TRIO: variants seen among roughly 807,000 people sequenced by gnomAD.
TRIO encodes trio Rho guanine nucleotide exchange factor, also known as triple functional domain protein.
A neutral mutation model predicts 351.9 loss-of-function variants in TRIO; 58 were observed. The ratio of observed to expected loss-of-function variants is 0.16; its 90% CI spans 0.13 to 0.21. TRIO has a LOEUF of 0.21. TRIO is among the 10% of genes least tolerant of loss of function. TRIO has a pLI of 1.00. For missense variants in TRIO, 3,201 were observed against 4,027.8 expected (o/e 0.79, Z 5.56); for synonymous variants, 1,758 against 1,595.7 (o/e 1.10, Z -2.42).
intron 6 of TRIO, 38 bp from the exon 7 acceptor site, chr5:14,297,034 C>G (rs937802544): frequency 1.9e-6 from 3 of 1,562,088 alleles, no homozygotes; most frequent in Middle Eastern, 1.7e-4. Context: ...CCTATTTGCT[C>G]TCCCCTAAGG....
chr5:14,161,756 T>TCA (rs1788472427), intron 1 of TRIO, among the ~76,000 whole-genome samples: 1 of 152,242 alleles, frequency 6.6e-6, no homozygotes, highest in East Asian at 1.9e-4. Flanking sequence ...AGACAGCGTC[T>TCA]CACCCTGTCA....
chr5:14,205,595 TAAC>T (rs1791405877), intron 1 of TRIO, among the ~76,000 whole-genome samples: 1 of 152,234 alleles, frequency 6.6e-6, no homozygotes, highest in Non-Finnish European at 1.5e-5. Context: ...TACTTCATAA[TAAC>T]ATTAATTTTT....
chr5:14,460,220 A>T (rs1038782761), intron 34 of TRIO, among the ~76,000 whole-genome samples: 1 of 152,126 alleles, frequency 6.6e-6, no homozygotes, highest in Non-Finnish European at 1.5e-5. Context: ...CCGGCCCCTC[A>T]CATTTCTTTT....
intron 37 of TRIO, 131 bp from the exon 38 acceptor site, chr5:14,471,187 A>G (rs148375581): frequency 1.2e-3 from 1,461 of 1,262,298 alleles, no homozygotes; most frequent in Non-Finnish European, 1.4e-3. Flanking sequence ...CTATAATTTC[A>G]CAAACAAAGA....
chr5:14,282,036 GT>G (rs1236453806), intron 3 of TRIO, among the ~76,000 whole-genome samples: 2 of 152,194 alleles, frequency 1.3e-5, no homozygotes, highest in Non-Finnish European at 2.9e-5. Flanking sequence ...GGTCTTGATA[GT>G]TTGACTTGCT....
intron 19 of TRIO, among the ~76,000 whole-genome samples, chr5:14,376,992 C>T (rs868691128): frequency 2.0e-5 from 3 of 152,148 alleles, no homozygotes; most frequent in East Asian, 3.8e-4. Context: ...TTGTGAACTT[C>T]GTATTTATAG....
At chr5:14,443,185 GTGT>G (rs1424435329) in intron 34 of TRIO, among the ~76,000 whole-genome samples, 2 of 152,080 alleles carry the variant, frequency 1.3e-5, no homozygotes, top group Non-Finnish European at 2.9e-5. Flanking sequence ...GCTCTAGGTG[GTGT>G]TCTTCAAGCT....
Position 14,394,109 on chromosome 5 carries a change from G to C in TRIO, c.4290G>C (p.Thr1430=). ...TTATTAAACCAGTTCAGCGAATAAC[G>C]AAGTATCAGCTCCTTTTAAAAGTAT... ...SYLIKPVQRI[T]KYQLLLKELL... The change falls in exon 28 of 57, where the codon ACG becomes ACC. Residue 1430 remains threonine (T), a synonymous_variant. Coordinates refer to ENST00000344204, the MANE Select transcript of TRIO (RefSeq NM_007118.4). 1.2e-6 allele frequency: 2 copies of C among 1,611,906 alleles called. No homozygotes were observed. Among genetic ancestry groups the C allele is most frequent in the South Asian group, 1.1e-5 (1 of 90,734 alleles).
At chr5:14,311,068 G>A (rs1738883806) in intron 8 of TRIO, among the ~76,000 whole-genome samples, 1 of 152,214 alleles carries the variant, frequency 6.6e-6, no homozygotes, top group African/African-American at 2.4e-5. Flanking sequence ...GTCAGCATCT[G>A]CCATAGTATC....
chr5:14,257,923 G>C (rs1007918576), intron 1 of TRIO, among the ~76,000 whole-genome samples: 2 of 152,186 alleles, frequency 1.3e-5, no homozygotes, highest in Admixed American at 6.5e-5. Context: ...CTTTAATACT[G>C]TTACAACTGC....
At chr5:14,318,279 C>CAAAAAAAA (rs759632595) in intron 9 of TRIO, among the ~76,000 whole-genome samples, 14 of 46,510 alleles carry the variant, frequency 3.0e-4, no homozygotes, top group African/African-American at 8.8e-4. Flanking sequence ...GACTCTATCT[C>CAAAAAAAA]AAAAAAAAAA....
chr5:14,271,357 C>T (rs908978500), intron 2 of TRIO, among the ~76,000 whole-genome samples: 5 of 152,136 alleles, frequency 3.3e-5, no homozygotes, highest in African/African-American at 1.2e-4. Flanking sequence ...CTTTGTGGCT[C>T]TCTGGTCATG....
intron 30 of TRIO, 132 bp from the exon 31 acceptor site, chr5:14,400,831 A>G (rs370049100): frequency 2.8e-6 from 2 of 722,774 alleles, no homozygotes; most frequent in Non-Finnish European, 4.6e-6. Context: ...CTCACATGAC[A>G]GCTGAGATCA....
At chr5:14,370,261 G>A (rs1192719586) in intron 18 of TRIO, among the ~76,000 whole-genome samples, 4 of 152,074 alleles carry the variant, frequency 2.6e-5, no homozygotes, top group Admixed American at 2.6e-4. Context: ...TAGTAGCTGG[G>A]ACTACAGTGC....
intron 39 of TRIO, among the ~76,000 whole-genome samples, chr5:14,473,637 AAG>A (rs1754839698): frequency 1.3e-5 from 2 of 152,256 alleles, no homozygotes; most frequent in African/African-American, 2.4e-5. Context: ...TTCTGTTTCT[AAG>A]AGATAAATGC....
At chr5:14,467,804 C>G (rs965740593) in intron 37 of TRIO, among the ~76,000 whole-genome samples, 2 of 151,496 alleles carry the variant, frequency 1.3e-5, no homozygotes, top group African/African-American at 2.4e-5. Flanking sequence ...AGAGTGAGAC[C>G]CTATATCAAA....
At chr5:14,422,333 T>A (rs1335687797) in intron 34 of TRIO, among the ~76,000 whole-genome samples, 1 of 152,248 alleles carries the variant, frequency 6.6e-6, no homozygotes, top group Non-Finnish European at 1.5e-5. Context: ...CTTACTGCTC[T>A]GACCTTCTAG....
intron 1 of TRIO, among the ~76,000 whole-genome samples, chr5:14,199,208 A>AAAC (rs1554031826): frequency 3.3e-5 from 5 of 151,200 alleles, no homozygotes; most frequent in African/African-American, 4.8e-5. Context: ...AAAAAAAAAA[A>AAAC]AAAAAAAAAA....
At chr5:14,255,335 G>T (rs1432142427) in intron 1 of TRIO, among the ~76,000 whole-genome samples, 1 of 152,142 alleles carries the variant, frequency 6.6e-6, no homozygotes, top group Admixed American at 6.5e-5. Context: ...TAGTGGATGG[G>T]GCTGTTCATG....
Sources: gnomAD v4.1 joint callset for allele counts (sites outside exome capture counted in the v4.1 genomes callset) on GRCh38, gnomAD v4.1.1 for gene constraint, MANE v1.5 for transcripts, NCBI Gene and HGNC (gene_info 2026-07-23, HGNC 2026-07-21) for gene names.